Variants in PRKCE observed in about 807,000 individuals in gnomAD.
PRKCE encodes the protein protein kinase C epsilon.
PRKCE carries 16 observed loss-of-function variants against 85.4 expected under a neutral mutation model. That is an observed-to-expected ratio of 0.19 (90% CI 0.13 to 0.28). The LOEUF (loss-of-function observed/expected upper bound fraction) is 0.28, where lower values mean the gene tolerates loss of function less well. Ranked by LOEUF, PRKCE falls within the 10% of genes least tolerant of loss-of-function variation. PRKCE has a pLI of 1.00. For synonymous variants in PRKCE, 388 were observed against 371.5 expected, an observed-to-expected ratio of 1.04 and a Z score of -0.51; for missense variants, 573 against 975.2, an observed-to-expected ratio of 0.59 and a Z score of 5.49.
intron 2 of PRKCE, among the ~76,000 whole-genome samples, chr2:45,955,665 C>T (rs756792175): frequency 2.0e-5 from 3 of 152,044 alleles, no homozygotes; most frequent in Non-Finnish European, 4.4e-5. Context: ...AAAACAAACC[C>T]CCACATGGAT....
At chr2:46,028,330 C>T (rs1707276851) in intron 10 of PRKCE, among the ~76,000 whole-genome samples, 1 of 152,218 alleles carries the variant, frequency 6.6e-6, no homozygotes, top group Non-Finnish European at 1.5e-5. Context: ...TCTTCACTGC[C>T]ACAACATTTG....
At chr2:46,019,248 A>G (rs1033014730) in intron 10 of PRKCE, among the ~76,000 whole-genome samples, 1 of 152,166 alleles carries the variant, frequency 6.6e-6, no homozygotes, top group Non-Finnish European at 1.5e-5. Flanking sequence ...CCATGCCTGT[A>G]TGAGTTTTTT....
chr2:45,744,934 G>A (rs574119514), intron 1 of PRKCE, among the ~76,000 whole-genome samples: 3 of 152,270 alleles, frequency 2.0e-5, no homozygotes, highest in Admixed American at 6.5e-5. Context: ...CAATCCTGGC[G>A]ATTCTGATTT....
chr2:45,881,318 C>A (rs528143929), intron 2 of PRKCE, among the ~76,000 whole-genome samples: 1 of 152,252 alleles, frequency 6.6e-6, no homozygotes, highest in East Asian at 1.9e-4. Context: ...ATTTAGTCTT[C>A]TACAGGCTGG....
chr2:46,172,106 G>A (rs777326210), intron 14 of PRKCE, among the ~76,000 whole-genome samples: 14 of 152,228 alleles, frequency 9.2e-5, no homozygotes, highest in African/African-American at 2.2e-4. Context: ...TGGGCTCAAC[G>A]GTGGAGAGAA....
chr2:45,849,779 A>T (rs559587544), intron 2 of PRKCE, among the ~76,000 whole-genome samples: 98 of 152,262 alleles, frequency 6.4e-4, no homozygotes, highest in Non-Finnish European at 1.3e-3. Context: ...ACCCCACGTT[A>T]CCACACCCCA....
At chr2:46,081,091 A>G (rs1458499951) in intron 10 of PRKCE, among the ~76,000 whole-genome samples, 3 of 152,158 alleles carry the variant, frequency 2.0e-5, no homozygotes, top group Non-Finnish European at 2.9e-5. Context: ...TCCTGGGCTC[A>G]AGCAACCCTC....
intron 10 of PRKCE, among the ~76,000 whole-genome samples, chr2:46,034,054 G>A (rs1707707225): frequency 6.6e-6 from 1 of 152,208 alleles, no homozygotes; most frequent in Non-Finnish European, 1.5e-5. Flanking sequence ...CTGACAGTGG[G>A]TAAGGACATA....
intron 1 of PRKCE, among the ~76,000 whole-genome samples, chr2:45,727,822 T>C (rs1681213932): frequency 6.6e-6 from 1 of 152,000 alleles, no homozygotes. Context: ...ACCCAGCTAA[T>C]TTTTGTATTT....
intron 11 of PRKCE, among the ~76,000 whole-genome samples, chr2:46,141,012 C>T (rs993977510): frequency 2.6e-5 from 4 of 152,118 alleles, no homozygotes; most frequent in Non-Finnish European, 4.4e-5. Flanking sequence ...GGAAAGATAT[C>T]GGAAGCAGGC....
intron 1 of PRKCE, among the ~76,000 whole-genome samples, chr2:45,820,139 A>G (rs1261574114): frequency 6.6e-6 from 1 of 152,218 alleles, no homozygotes; most frequent in Non-Finnish European, 1.5e-5. Flanking sequence ...GGTAATGGAA[A>G]CATCACGGCG....
chr2:45,911,363 C>T (rs151145116), intron 2 of PRKCE, among the ~76,000 whole-genome samples: 6 of 152,252 alleles, frequency 3.9e-5, no homozygotes, highest in African/African-American at 1.2e-4. Flanking sequence ...CTGCACTGGA[C>T]GGGAGTGTTT....
At chr2:46,007,827 G>T (rs984772549) in intron 9 of PRKCE, among the ~76,000 whole-genome samples, 166 bp downstream of exon 9, 1 of 152,172 alleles carries the variant, frequency 6.6e-6, no homozygotes, top group African/African-American at 2.4e-5. Context: ...TAGGAGCGCT[G>T]GTTCTGCTAT....
chr2:46,053,751 TGTGGGTGG>T (rs1558399041), intron 10 of PRKCE, among the ~76,000 whole-genome samples: 1 of 151,380 alleles, frequency 6.6e-6, no homozygotes. Flanking sequence ...CCATTTATCC[TGTGGGTGG>T]ACACGTGGGT....
At chr2:45,841,267 G>A (rs1010139462) in intron 1 of PRKCE, among the ~76,000 whole-genome samples, 7 of 152,164 alleles carry the variant, frequency 4.6e-5, no homozygotes, top group African/African-American at 1.4e-4. Context: ...ACAATAGGCC[G>A]TCTGCACGCT....
chr2:45,690,511 T>C (rs1473220102), intron 1 of PRKCE, among the ~76,000 whole-genome samples: 1 of 152,232 alleles, frequency 6.6e-6, no homozygotes, highest in Non-Finnish European at 1.5e-5. Flanking sequence ...CGTGTGAGAA[T>C]TGTTGTTCCT....
At chr2:46,024,927 C>A (rs1461213776) in intron 10 of PRKCE, among the ~76,000 whole-genome samples, 1 of 152,186 alleles carries the variant, frequency 6.6e-6, no homozygotes, top group Non-Finnish European at 1.5e-5. Flanking sequence ...TGAAATACTT[C>A]TACCATCCAA....
chr2:45,820,891 C>G (rs527796698), intron 1 of PRKCE, among the ~76,000 whole-genome samples: 1 of 152,126 alleles, frequency 6.6e-6, no homozygotes, highest in South Asian at 2.1e-4. Context: ...TCCCCACCCC[C>G]TTCCCACCCC....
chr2:45,900,465 G>A (rs568023254), intron 2 of PRKCE, among the ~76,000 whole-genome samples: 25 of 152,336 alleles, frequency 1.6e-4, no homozygotes, highest in African/African-American at 4.3e-4. Context: ...TACATGCTAC[G>A]CCATGGACAA....
Sources: gnomAD v4.1 joint callset for allele counts (sites outside exome capture counted in the v4.1 genomes callset) on GRCh38, gnomAD v4.1.1 for gene constraint, MANE v1.5 for transcripts, NCBI Gene and HGNC (gene_info 2026-07-23, HGNC 2026-07-21) for gene names.